ELK3: variants seen among roughly 807,000 people sequenced by gnomAD.
ELK3 encodes the protein ETS domain-containing protein Elk-3.
Under a neutral mutation model 28.9 loss-of-function variants are expected in ELK3, and 10 were observed. The ratio of observed to expected loss-of-function variants is 0.35; its 90% CI spans 0.21 to 0.59. The LOEUF (loss-of-function observed/expected upper bound fraction) is 0.59. Ranked by LOEUF, ELK3 falls within the 20% of genes least tolerant of loss-of-function variation. The probability of loss-of-function intolerance (pLI) is 0.82; values close to 1 mark genes in which losing one functional copy is unlikely to be tolerated. For missense variants in ELK3, 463 were observed against 517.3 expected, an observed-to-expected ratio of 0.90 and a Z score of 1.02; for synonymous variants, 272 against 243.5, an observed-to-expected ratio of 1.12 and a Z score of -1.09.
chr12:96,236,766 GTTTC>G (rs1159864281), intron 2 of ELK3, among the ~76,000 whole-genome samples: 1 of 152,212 alleles, frequency 6.6e-6, no homozygotes, highest in Non-Finnish European at 1.5e-5. Flanking sequence ...GGGTGTATTA[GTTTC>G]CCAGGGCTGC....
intron 1 of ELK3, among the ~76,000 whole-genome samples, chr12:96,216,111 T>C (rs1039460811): frequency 5.3e-5 from 8 of 152,166 alleles, no homozygotes; most frequent in African/African-American, 1.7e-4. Flanking sequence ...GTGAATGCCC[T>C]CCTGTAGGGC....
chr12:96,226,276 C>T (rs553552571), intron 2 of ELK3, among the ~76,000 whole-genome samples: 2 of 152,192 alleles, frequency 1.3e-5, no homozygotes, highest in African/African-American at 2.4e-5. Flanking sequence ...TCTTGCCAGG[C>T]AGAGCATGGG....
intron 2 of ELK3, among the ~76,000 whole-genome samples, chr12:96,243,560 A>G (rs956227756): frequency 6.6e-6 from 1 of 152,046 alleles, no homozygotes; most frequent in Non-Finnish European, 1.5e-5. Flanking sequence ...CCGTCTCTAT[A>G]AAAATTAGGC....
chr12:96,210,971 G>A (rs750284414), intron 1 of ELK3, among the ~76,000 whole-genome samples: 3 of 152,212 alleles, frequency 2.0e-5, no homozygotes, highest in East Asian at 1.9e-4. Flanking sequence ...GCATATGCGC[G>A]TTGATTAAGA....
chr12:96,228,524 T>C (rs1161552612), intron 2 of ELK3, among the ~76,000 whole-genome samples: 5 of 151,902 alleles, frequency 3.3e-5, no homozygotes, highest in Admixed American at 6.6e-5. Flanking sequence ...ATTATGGCCC[T>C]TTTCACTTAG....
Position 96,247,840 on chromosome 12 carries a change from T to C in ELK3, c.1002+106T>C, listed in dbSNP as rs576898235. On this transcript the variant is annotated intron_variant, in intron 3 of 4. Coordinates refer to ENST00000228741, the MANE Select transcript of ELK3 (RefSeq NM_005230.4). The surrounding 1 kb of genome is among the most constrained non-coding windows in gnomAD (Gnocchi z 5.5). Reference sequence around the variant, plus strand: ...TTCTGTCCCTCAAAACGTTGTCCTATGACTCGTACCGAGGTCACTGTGTAA... The same window carrying C: ...TTCTGTCCCTCAAAACGTTGTCCTACGACTCGTACCGAGGTCACTGTGTAA... The C allele has an allele frequency of 2.0e-5, 27 of 1,320,452 alleles. No individual in the cohort carries two copies. In the South Asian group the frequency reaches 3.6e-4, roughly 17 times the overall value. The allele number at this position is 1,320,452 out of a possible 1,614,324, so 81.8% of individuals were successfully genotyped here.
chr12:96,208,797 C>G (rs1482191870), intron 1 of ELK3, among the ~76,000 whole-genome samples: 2 of 152,220 alleles, frequency 1.3e-5, no homozygotes, highest in African/African-American at 4.8e-5. Flanking sequence ...CTCTATAACT[C>G]TCTCCAAGAT....
Position 96,267,314 on chromosome 12 carries a change from G to A in ELK3, c.*134G>A, listed in dbSNP as rs1952042310. ...GTTTGCACTTTTCATAACATGGATA[G>A]TCTAGATTTATGTTAGCATTTTAAA... On this transcript the variant is annotated 3_prime_UTR_variant, in exon 5 of 5. Coordinates refer to ENST00000228741, the MANE Select transcript of ELK3 (RefSeq NM_005230.4). The A allele has an allele frequency of 1.5e-6, 1 of 656,682 alleles. No individual in the cohort carries two copies. The highest frequency in any genetic ancestry group is 3.4e-5 in the Admixed American group (1 of 29,430). The allele number at this position is 656,682 out of a possible 1,614,324, so 40.7% of individuals were successfully genotyped here. A position where few individuals can be genotyped will look rare whatever the true frequency, so the allele number is the denominator to read the frequency against.
intron 2 of ELK3, among the ~76,000 whole-genome samples, chr12:96,241,251 A>G (rs914418701): frequency 6.6e-6 from 1 of 152,240 alleles, no homozygotes; most frequent in Non-Finnish European, 1.5e-5. Context: ...TCATTTAAAT[A>G]TAATCCTAAT....
rs1951678080 is a variant in ELK3, at chr12:96,223,558, C to T, written c.-2-7C>T. 6.2e-7 allele frequency: 1 copy of T among 1,613,782 alleles called. No individual in the cohort carries two copies. Among genetic ancestry groups the T allele is most frequent in the South Asian group, 1.1e-5 (1 of 91,068 alleles). ...AGCAGCTCTGACCTGGCCTCCTCTC[C>T]CTGCAGGTATGGAGAGTGCAATCAC... On this transcript the variant is annotated splice_region_variant and splice_polypyrimidine_tract_variant and intron_variant, in intron 1 of 4. Transcript: ENST00000228741.
chr12:96,208,319 TGGGATTACA>T (rs1951552498), intron 1 of ELK3, among the ~76,000 whole-genome samples: 1 of 152,240 alleles, frequency 6.6e-6, no homozygotes, highest in Admixed American at 6.5e-5. Context: ...CCCAAATTGC[TGGGATTACA>T]GGCGTTAGCC....
Position 96,246,325 on chromosome 12 carries a change from T to C in ELK3, c.208-615T>C, listed in dbSNP as rs138435251. ...CCTTTTAGGATTGCTGTTCAGATTG[T>C]ATGAGATAAGATATGAATAATCCCA... On this transcript the variant is annotated intron_variant, in intron 2 of 4. Coordinates refer to ENST00000228741, the MANE Select transcript of ELK3 (RefSeq NM_005230.4). 4.7e-4 allele frequency among the ~76,000 whole-genome samples: 72 copies of C among 152,316 alleles called. No homozygotes were observed. In the East Asian group the frequency reaches 7.1e-3, roughly 15 times the overall value.
Position 96,267,602 on chromosome 12 carries a change from T to C in ELK3, c.*422T>C. On this transcript the variant is annotated 3_prime_UTR_variant, in exon 5 of 5. Coordinates refer to ENST00000228741, the MANE Select transcript of ELK3 (RefSeq NM_005230.4). Reference sequence around the variant, plus strand: ...TTAATGTAAATGAATGATTTATATATTTTTTAGTATTAAGAGGAAATGTTT... The same window carrying C: ...TTAATGTAAATGAATGATTTATATACTTTTTAGTATTAAGAGGAAATGTTT... The C allele has an allele frequency of 6.5e-6, 1 of 153,222 alleles. No homozygotes were observed. Among genetic ancestry groups the C allele is most frequent in the East Asian group, 1.9e-4 (1 of 5,228 alleles). 9.5% of individuals were successfully genotyped at this position (153,222 alleles called of 1,614,324 possible). A position where few individuals can be genotyped will look rare whatever the true frequency, so the allele number is the denominator to read the frequency against.
At chr12:96,248,562 C>T (rs936774527) in intron 3 of ELK3, among the ~76,000 whole-genome samples, 1 of 152,172 alleles carries the variant, frequency 6.6e-6, no homozygotes, top group Admixed American at 6.5e-5. Context: ...TACCCTGCTT[C>T]CTAGGAGTGG....
rs192641842 is a variant in ELK3, at chr12:96,206,235, C to T, written c.-3+11530C>T. Among the ~76,000 whole-genome samples the T allele has an allele frequency of 8.5e-5, 13 of 152,236 alleles. No homozygotes were observed. In the East Asian group the frequency reaches 2.3e-3, roughly 27 times the overall value. On this transcript the variant is annotated intron_variant, in intron 1 of 4. Coordinates refer to ENST00000228741, the MANE Select transcript of ELK3 (RefSeq NM_005230.4). ...CTTTAAAACCTTGATGTAGATCAGACGTGCACCAGATGATTCAAATATTTT... is the reference window on the plus strand; with the variant it reads ...CTTTAAAACCTTGATGTAGATCAGATGTGCACCAGATGATTCAAATATTTT...
chr12:96,218,811 G>T (rs1050652776), intron 1 of ELK3, among the ~76,000 whole-genome samples: 2 of 151,938 alleles, frequency 1.3e-5, no homozygotes, highest in African/African-American at 4.8e-5. Context: ...ACCACGCCTG[G>T]CTAATTTTTT....
At position 96,267,239 on chromosome 12, in the gene ELK3, C is replaced by A; in HGVS notation, c.*59C>A. 2 of 1,448,530 alleles carry A rather than the reference C, an allele frequency of 1.4e-6. No individual in the cohort carries two copies. The highest frequency in any genetic ancestry group is 2.4e-5 in the East Asian group (1 of 42,440). The allele number at this position is 1,448,530 out of a possible 1,614,324, so 89.7% of individuals were successfully genotyped here. ...GATGAAACAAATTTGTCCCCACGGGCTAGTTTACCTGTGTCGTGAGAAGGA... is the reference window on the plus strand; with the variant it reads ...GATGAAACAAATTTGTCCCCACGGGATAGTTTACCTGTGTCGTGAGAAGGA... On this transcript the variant is annotated 3_prime_UTR_variant, in exon 5 of 5. Transcript: ENST00000228741.
At chr12:96,194,795 T>TGGGGGTGGGGCGGGGGGCGCCGC (rs1951449575) in intron 1 of ELK3, 90 bp downstream of exon 1, 1 of 23,490 alleles carries the variant, frequency 4.3e-5, no homozygotes, top group African/African-American at 1.6e-4. Context: ...TTGGGCGCGG[T>TGGGGGTGGGGCGGGGGGCGCCGC]GGGGGTGGGG....
intron 2 of ELK3, among the ~76,000 whole-genome samples, chr12:96,246,091 C>T (rs1592685864): frequency 6.6e-6 from 1 of 152,164 alleles, no homozygotes; most frequent in African/African-American, 2.4e-5. Context: ...TGATAACTTG[C>T]ATTTTATAAT....
Sources: allele counts gnomAD v4.1 joint callset (sites outside exome capture counted in the v4.1 genomes callset), GRCh38; gene constraint gnomAD v4.1.1; non-coding constraint Gnocchi (gnomAD v3.1); transcripts MANE v1.5; gene names NCBI Gene and HGNC (gene_info 2026-07-23, HGNC 2026-07-21).